The following SPATA16 variants were observed in gnomAD, a reference collection of about 807,000 sequenced individuals.
SPATA16 encodes the protein spermatogenesis associated 16.
Under a neutral mutation model 63.3 loss-of-function variants are expected in SPATA16, and 36 were observed. That is an observed-to-expected ratio of 0.57 (90% confidence interval 0.44 to 0.75). The LOEUF (loss-of-function observed/expected upper bound fraction) is 0.75, where lower values mean the gene tolerates loss of function less well. Ranked by LOEUF, SPATA16 falls within the 30% of genes least tolerant of loss-of-function variation. The pLI, the probability that SPATA16 is intolerant of heterozygous loss-of-function variation, is 0.00. For synonymous variants in SPATA16, 203 were observed against 216.7 expected, an observed-to-expected ratio of 0.94 and a Z score of 0.56; for missense variants, 646 against 679.3, an observed-to-expected ratio of 0.95 and a Z score of 0.54.
chr3:173,110,136 C>T (rs1737713588), intron 2 of SPATA16, among the ~76,000 whole-genome samples: 1 of 152,066 alleles, frequency 6.6e-6, no homozygotes, highest in Admixed American at 6.6e-5. Flanking sequence ...GTTATGGTGT[C>T]CCTGTATGGA....
intron 4 of SPATA16, among the ~76,000 whole-genome samples, chr3:172,985,141 C>T (rs573833212): frequency 6.6e-6 from 1 of 152,232 alleles, no homozygotes; most frequent in African/African-American, 2.4e-5. Flanking sequence ...CCTCCCTTAT[C>T]CCCCATGCAT....
intron 2 of SPATA16, among the ~76,000 whole-genome samples, chr3:173,075,999 C>A (rs1393670358): frequency 6.6e-6 from 1 of 151,990 alleles, no homozygotes; most frequent in Admixed American, 6.6e-5. Context: ...TTAATTACCC[C>A]CGATTTGATC....
At chr3:172,904,679 G>A (rs190860772) in intron 10 of SPATA16, among the ~76,000 whole-genome samples, 1 of 152,190 alleles carries the variant, frequency 6.6e-6, no homozygotes, top group Non-Finnish European at 1.5e-5. Context: ...ACTTTTCCCT[G>A]GAAGTCAGAG....
At chr3:173,013,645 T>G (rs1735120286) in intron 4 of SPATA16, among the ~76,000 whole-genome samples, 1 of 152,250 alleles carries the variant, frequency 6.6e-6, no homozygotes, top group African/African-American at 2.4e-5. Flanking sequence ...ACTGTTGCTA[T>G]GCAACCCAGA....
intron 2 of SPATA16, among the ~76,000 whole-genome samples, chr3:173,114,244 G>T (rs1030887735): frequency 1.3e-5 from 2 of 150,662 alleles, no homozygotes; most frequent in Non-Finnish European, 2.9e-5. Flanking sequence ...CTATGGGAGA[G>T]ATGCTACTTA....
intron 4 of SPATA16, among the ~76,000 whole-genome samples, chr3:172,985,459 G>A (rs975095631): frequency 6.6e-6 from 1 of 152,126 alleles, no homozygotes; most frequent in Non-Finnish European, 1.5e-5. Context: ...ATCTCTATGA[G>A]CTTCCAATTG....
At chr3:173,099,806 G>A (rs73880439) in intron 2 of SPATA16, among the ~76,000 whole-genome samples, 4,393 of 152,194 alleles carry the variant, frequency 0.029, 190 homozygotes, top group African/African-American at 0.1. Context: ...TTTTCCTGTC[G>A]TCAGCATGCG....
intron 3 of SPATA16, among the ~76,000 whole-genome samples, chr3:173,024,527 T>G (rs1735407675): frequency 6.6e-6 from 1 of 150,856 alleles, no homozygotes; most frequent in African/African-American, 2.4e-5. Flanking sequence ...TTAGGTTAAT[T>G]AATGATTCAA....
intron 4 of SPATA16, among the ~76,000 whole-genome samples, chr3:172,983,705 A>G (rs986534472): frequency 6.6e-6 from 1 of 151,980 alleles, no homozygotes; most frequent in African/African-American, 2.4e-5. Flanking sequence ...TATGGGGAGA[A>G]GAGTGGAACT....
intron 2 of SPATA16, among the ~76,000 whole-genome samples, chr3:173,109,314 C>A (rs1312413409): frequency 6.6e-6 from 1 of 152,124 alleles, no homozygotes; most frequent in Non-Finnish European, 1.5e-5. Context: ...TCTTCCCCTG[C>A]TGTGTCAATG....
intron 5 of SPATA16, 80 bp downstream of exon 5, chr3:172,976,888 G>C: frequency 8.8e-7 from 1 of 1,138,074 alleles, no homozygotes; most frequent in African/African-American, 1.5e-5. Flanking sequence ...TTTTTCTTCA[G>C]TCTTTTAAGC....
chr3:173,067,603 G>A (rs191864007), intron 2 of SPATA16, among the ~76,000 whole-genome samples: 94 of 151,534 alleles, frequency 6.2e-4, no homozygotes, highest in African/African-American at 2.2e-3. Context: ...ATGAAAGTTG[G>A]GAAAAAAAAG....
chr3:172,937,389 C>T (rs1312702913), intron 6 of SPATA16, among the ~76,000 whole-genome samples: 2 of 152,034 alleles, frequency 1.3e-5, no homozygotes, highest in African/African-American at 4.8e-5. Context: ...TTTTGGTTTG[C>T]TGAATACATA....
Position 173,011,419 on chromosome 3 carries a change from A to G in SPATA16, c.848+8067T>C, listed in dbSNP as rs1358672725. 4.9e-4 allele frequency among the ~76,000 whole-genome samples: 74 copies of G among 152,196 alleles called. 1 individual carries two copies. The highest frequency in any genetic ancestry group is 1.5e-5 in the Non-Finnish European group (1 of 68,032). On this transcript the variant is annotated intron_variant, in intron 4 of 10. Coordinates refer to ENST00000351008, the MANE Select transcript of SPATA16 (RefSeq NM_031955.6). Reference sequence around the variant, plus strand: ...CATTGAAGAAACATACCTCCAAATAATAAAAGCCATCTATGACAAACCTGG... The same window carrying G: ...CATTGAAGAAACATACCTCCAAATAGTAAAAGCCATCTATGACAAACCTGG...
intron 4 of SPATA16, among the ~76,000 whole-genome samples, chr3:172,997,067 C>A (rs1182844217): frequency 5.3e-5 from 8 of 152,102 alleles, no homozygotes; most frequent in Admixed American, 3.3e-4. Context: ...TATGTGTCTG[C>A]AATTATGAAC....
intron 2 of SPATA16, among the ~76,000 whole-genome samples, chr3:173,076,945 A>G (rs1299150689): frequency 6.6e-6 from 1 of 152,134 alleles, no homozygotes; most frequent in Non-Finnish European, 1.5e-5. Context: ...TCTGAAGAGC[A>G]TGTGAATTGT....
chr3:173,105,467 C>T (rs951160873), intron 2 of SPATA16, among the ~76,000 whole-genome samples: 3 of 152,172 alleles, frequency 2.0e-5, no homozygotes, highest in South Asian at 2.1e-4. Context: ...TGAGGAGTAA[C>T]GTATTACAGT....
At chr3:173,007,760 T>C (rs1433874085) in intron 4 of SPATA16, among the ~76,000 whole-genome samples, 1 of 152,048 alleles carries the variant, frequency 6.6e-6, no homozygotes, top group Non-Finnish European at 1.5e-5. Flanking sequence ...GAATTGAACT[T>C]GGTAAAATAC....
chr3:173,076,803 C>G (rs567605335), intron 2 of SPATA16, among the ~76,000 whole-genome samples: 1 of 152,134 alleles, frequency 6.6e-6, no homozygotes, highest in South Asian at 2.1e-4. Flanking sequence ...TCACTGTACC[C>G]TAAAGTTAAT....
Sources: allele counts gnomAD v4.1 joint callset (sites outside exome capture counted in the v4.1 genomes callset), GRCh38; gene constraint gnomAD v4.1.1; transcripts MANE v1.5; gene names NCBI Gene and HGNC (gene_info 2026-07-23, HGNC 2026-07-21).